CFAP299: variants seen among roughly 807,000 people sequenced by gnomAD.
CFAP299 encodes cilia- and flagella-associated protein 299.
In CFAP299, 21 loss-of-function variants were observed where a neutral mutation model predicts 27.0. That is an observed-to-expected ratio of 0.78 (90% CI 0.55 to 1.12). The LOEUF (loss-of-function observed/expected upper bound fraction) is 1.12. Ranked by LOEUF, CFAP299 falls within the 50% of genes most tolerant of loss-of-function variation. The pLI, the probability that CFAP299 is intolerant of heterozygous loss-of-function variation, is 0.00. For missense variants in CFAP299, 310 were observed against 276.6 expected (o/e 1.12, Z -0.86); for synonymous variants, 104 against 98.1 (o/e 1.06, Z -0.36).
intron 4 of CFAP299, among the ~76,000 whole-genome samples, chr4:80,880,753 A>AAATT (rs376362208): frequency 0.047 from 6,895 of 148,024 alleles, 250 homozygotes; most frequent in Middle Eastern, 0.14. Context: ...AAAATAAAAT[A>AAATT]AAATTAAATT....
the CFAP299 span, among the ~76,000 whole-genome samples, chr4:80,329,208 C>CACACATATATATATATATATATAT: frequency 1.7e-3 from 226 of 135,992 alleles, 2 homozygotes; most frequent in Middle Eastern, 7.4e-3. Flanking sequence ...ACACTGTATA[C>CACACATATATATATATATATATAT]ATATATATAT....
chr4:80,819,815 A>G (rs149206593), intron 3 of CFAP299, among the ~76,000 whole-genome samples: 67 of 152,278 alleles, frequency 4.4e-4, no homozygotes, highest in African/African-American at 1.5e-3. Flanking sequence ...AGAGCCTTAT[A>G]TTAAGTTTAG....
intron 2 of CFAP299, among the ~76,000 whole-genome samples, chr4:80,365,925 A>G (rs1723810153): frequency 6.6e-6 from 1 of 152,212 alleles, no homozygotes. Context: ...GGAAGTCATC[A>G]GGCTACTTAT....
At chr4:80,406,212 T>TG (rs1726410445) in intron 2 of CFAP299, among the ~76,000 whole-genome samples, 1 of 152,200 alleles carries the variant, frequency 6.6e-6, no homozygotes. Context: ...AACTAGTATG[T>TG]GATGGACTTT....
intron 3 of CFAP299, among the ~76,000 whole-genome samples, chr4:80,601,910 A>C (rs1737370987): frequency 6.6e-6 from 1 of 152,224 alleles, no homozygotes; most frequent in South Asian, 2.1e-4. Flanking sequence ...AAAAAGAATG[A>C]AATCATGTCC....
chr4:80,603,872 A>G (rs898189941), intron 3 of CFAP299, among the ~76,000 whole-genome samples: 4 of 152,168 alleles, frequency 2.6e-5, no homozygotes, highest in Non-Finnish European at 5.9e-5. Context: ...AGGAAAAACA[A>G]TCTCTAGAAT....
At chr4:80,331,716 GA>G (rs1264487024), upstream of CFAP299, among the ~76,000 whole-genome samples, 2 of 152,316 alleles carry the variant, frequency 1.3e-5, no homozygotes, top group East Asian at 3.9e-4. Flanking sequence ...GGCACAAAAA[GA>G]GGAAAATTTT....
At chr4:80,686,414 C>A (rs190041876) in intron 3 of CFAP299, among the ~76,000 whole-genome samples, 1 of 152,156 alleles carries the variant, frequency 6.6e-6, no homozygotes, top group East Asian at 1.9e-4. Flanking sequence ...TCTTTTGCCT[C>A]TTTTTTGAGG....
intron 4 of CFAP299, chr4:80,872,921 C>CT (rs869188460): frequency 0.054 from 30,804 of 573,418 alleles, 2 homozygotes; most frequent in Non-Finnish European, 0.059. Context: ...AGTTCTTCTT[C>CT]TTTTTTTTTT....
chr4:80,344,821 GC>G (rs1343278213), intron 1 of CFAP299, among the ~76,000 whole-genome samples: 1 of 152,194 alleles, frequency 6.6e-6, no homozygotes, highest in Admixed American at 6.5e-5. Flanking sequence ...TCCTTGGGAT[GC>G]AAGGTTGGTT....
intron 3 of CFAP299, among the ~76,000 whole-genome samples, chr4:80,727,513 C>G (rs1296747396): frequency 6.6e-6 from 1 of 152,032 alleles, no homozygotes; most frequent in South Asian, 2.1e-4. Context: ...TTGAGCCAGA[C>G]TAGCTGAATT....
At chr4:80,507,229 A>G (rs1312707266) in intron 2 of CFAP299, among the ~76,000 whole-genome samples, 5 of 152,130 alleles carry the variant, frequency 3.3e-5, no homozygotes, top group Admixed American at 1.3e-4. Flanking sequence ...ATCTCAATTC[A>G]TCATATTGCC....
At chr4:80,730,094 C>T (rs1244045152) in intron 3 of CFAP299, among the ~76,000 whole-genome samples, 1 of 152,034 alleles carries the variant, frequency 6.6e-6, no homozygotes. Flanking sequence ...CATGGACCAA[C>T]TCTCAGTCAC....
chr4:80,552,917 G>A (rs150044214), intron 2 of CFAP299, among the ~76,000 whole-genome samples: 2 of 152,154 alleles, frequency 1.3e-5, no homozygotes, highest in East Asian at 1.9e-4. Context: ...TGAACTCCTG[G>A]CCCCAAGTGG....
chr4:80,857,733 G>A (rs886497214), intron 3 of CFAP299, among the ~76,000 whole-genome samples: 37 of 152,220 alleles, frequency 2.4e-4, no homozygotes, highest in African/African-American at 7.5e-4. Context: ...TATTGAACCA[G>A]CCTTGCACCC....
At chr4:80,737,148 C>T (rs1299647715) in intron 3 of CFAP299, among the ~76,000 whole-genome samples, 1 of 128,604 alleles carries the variant, frequency 7.8e-6, no homozygotes, top group African/African-American at 3.0e-5. Context: ...GAACATCACA[C>T]TCTGGGGACT....
intron 4 of CFAP299, among the ~76,000 whole-genome samples, chr4:80,882,547 A>G (rs1733759530): frequency 1.3e-5 from 2 of 152,112 alleles, no homozygotes; most frequent in African/African-American, 4.8e-5. Context: ...CTGAGGCAGG[A>G]GAATGGCGTG....
intron 3 of CFAP299, among the ~76,000 whole-genome samples, chr4:80,796,002 A>G (rs1727840215): frequency 6.6e-6 from 1 of 152,144 alleles, no homozygotes; most frequent in Non-Finnish European, 1.5e-5. Context: ...AATATAGACC[A>G]AGTGACAGAG....
intron 3 of CFAP299, among the ~76,000 whole-genome samples, chr4:80,800,478 TTATATAATATATAATATA>T (rs1484690929): frequency 8.5e-3 from 30 of 3,530 alleles, no homozygotes; most frequent in South Asian, 0.039. Flanking sequence ...ATATAATATA[TTATATAATATATAATATA>T]TAATATATTA....
Sources: gnomAD v4.1 joint callset for allele counts (sites outside exome capture counted in the v4.1 genomes callset) on GRCh38, gnomAD v4.1.1 for gene constraint, MANE v1.5 for transcripts, NCBI Gene and HGNC (gene_info 2026-07-23, HGNC 2026-07-21) for gene names.